CACHD1: variants seen among roughly 807,000 people sequenced by gnomAD.
CACHD1 encodes the protein cache domain containing 1, also known as VWFA and cache domain-containing protein 1.
CACHD1 carries 71 observed loss-of-function variants against 138.7 expected under a neutral mutation model. The ratio of observed to expected loss-of-function variants is 0.51; its 90% CI spans 0.42 to 0.62. The LOEUF is 0.62. Among genes scored for constraint, CACHD1 ranks in the 20% least tolerant of loss-of-function variants. The probability of loss-of-function intolerance (pLI) is 0.00; values close to 1 mark genes in which losing one functional copy is unlikely to be tolerated. For synonymous variants in CACHD1, 578 were observed against 591.5 expected, an observed-to-expected ratio of 0.98 and a Z score of 0.33; for missense variants, 1,389 against 1,625.3, an observed-to-expected ratio of 0.85 and a Z score of 2.50.
At chr1:64,642,240 C>G (rs1190798122) in intron 8 of CACHD1, among the ~76,000 whole-genome samples, 2 of 152,146 alleles carry the variant, frequency 1.3e-5, no homozygotes, top group African/African-American at 4.8e-5. Flanking sequence ...TCCCCCTGCC[C>G]CACCTTTTTT....
intron 16 of CACHD1, among the ~76,000 whole-genome samples, chr1:64,669,154 G>A (rs1256546878): frequency 6.6e-6 from 1 of 152,140 alleles, no homozygotes; most frequent in African/African-American, 2.4e-5. Context: ...TAAATGTTAA[G>A]CACTTTTATA....
chr1:64,547,259 G>A (rs1342003033), intron 1 of CACHD1, among the ~76,000 whole-genome samples: 1 of 152,176 alleles, frequency 6.6e-6, no homozygotes, highest in African/African-American at 2.4e-5. Context: ...AGCAGGTCCT[G>A]CATTTTAAGA....
At chr1:64,633,957 C>A in intron 6 of CACHD1, 87 bp from the exon 7 acceptor site, 1 of 1,000,910 alleles carries the variant, frequency 1.0e-6, no homozygotes, top group Non-Finnish European at 1.5e-6. Flanking sequence ...CTTCTTACTC[C>A]TTGGCCTCTT....
chr1:64,517,422 A>T (rs1324594215), intron 1 of CACHD1, among the ~76,000 whole-genome samples: 1 of 152,224 alleles, frequency 6.6e-6, no homozygotes, highest in Non-Finnish European at 1.5e-5. Context: ...GAAATAAAGG[A>T]GAATTAAGTG....
intron 1 of CACHD1, among the ~76,000 whole-genome samples, chr1:64,539,168 A>G (rs1475494826): frequency 2.0e-5 from 3 of 152,060 alleles, no homozygotes; most frequent in African/African-American, 7.2e-5. Context: ...AATGGACTGC[A>G]TTTTTTTCTT....
At chr1:64,586,375 G>A (rs1231375394) in intron 3 of CACHD1, among the ~76,000 whole-genome samples, 1 of 152,164 alleles carries the variant, frequency 6.6e-6, no homozygotes, top group Non-Finnish European at 1.5e-5. Flanking sequence ...GCACCCAGCT[G>A]ACACTTTCCT....
At chr1:64,597,009 T>G (rs1270153013) in intron 3 of CACHD1, among the ~76,000 whole-genome samples, 1 of 152,154 alleles carries the variant, frequency 6.6e-6, no homozygotes, top group African/African-American at 2.4e-5. Flanking sequence ...CTGAGTGATT[T>G]GCCTGGCAAA....
At chr1:64,480,327 A>AC (rs1302898766) in intron 1 of CACHD1, among the ~76,000 whole-genome samples, 8 of 151,418 alleles carry the variant, frequency 5.3e-5, no homozygotes, top group Non-Finnish European at 1.5e-5. Context: ...TTGGTTTTAG[A>AC]CTCTTGTTTT....
Position 64,663,587 on chromosome 1 carries a change from C to T in CACHD1, c.1952-108C>T, listed in dbSNP as rs949995714. ...AAAAGAAAAAAAGGAAAAAAAAAGA[C>T]ATTAAGCCACCATAGCTGACAGATT... On this transcript the variant is annotated intron_variant, in intron 13 of 26. Coordinates refer to ENST00000651257, the MANE Select transcript of CACHD1 (RefSeq NM_020925.4). 13 of 1,128,624 alleles carry T rather than the reference C, an allele frequency of 1.2e-5. No homozygotes were observed. The African/African-American group carries it at 1.9e-4, about 17-fold the overall frequency. The allele number at this position is 1,128,624 out of a possible 1,614,324, so 69.9% of individuals were successfully genotyped here. A position where few individuals can be genotyped will look rare whatever the true frequency, so the allele number is the denominator to read the frequency against.
At chr1:64,497,990 G>A (rs377032620) in intron 1 of CACHD1, among the ~76,000 whole-genome samples, 7 of 152,304 alleles carry the variant, frequency 4.6e-5, no homozygotes, top group East Asian at 3.9e-4. Context: ...AGCTGGGCGT[G>A]GTGGTGCGTG....
At chr1:64,614,874 G>C (rs1557520325) in intron 4 of CACHD1, among the ~76,000 whole-genome samples, 3 of 152,066 alleles carry the variant, frequency 2.0e-5, no homozygotes, top group African/African-American at 7.3e-5. Flanking sequence ...AGGTTTCCCT[G>C]CTTCTCTTCC....
intron 1 of CACHD1, among the ~76,000 whole-genome samples, chr1:64,491,613 G>A (rs1157320179): frequency 6.6e-6 from 1 of 152,152 alleles, no homozygotes; most frequent in Admixed American, 6.5e-5. Flanking sequence ...CCTGACACAT[G>A]AGAATTACAA....
At chr1:64,678,601 G>A (rs375129062) in intron 23 of CACHD1, among the ~76,000 whole-genome samples, 5 of 152,194 alleles carry the variant, frequency 3.3e-5, no homozygotes, top group South Asian at 2.1e-4. Context: ...TCTGGAGTCT[G>A]TTTGGATATG....
chr1:64,518,714 C>T (rs1646476968), intron 1 of CACHD1, among the ~76,000 whole-genome samples: 1 of 152,118 alleles, frequency 6.6e-6, no homozygotes, highest in African/African-American at 2.4e-5. Context: ...ATATAGATGG[C>T]TAGTTTTGTG....
At chr1:64,570,092 A>G (rs1359228479) in intron 2 of CACHD1, among the ~76,000 whole-genome samples, 1 of 152,206 alleles carries the variant, frequency 6.6e-6, no homozygotes, top group Non-Finnish European at 1.5e-5. Context: ...TGGCAGAATG[A>G]GTAAACATAA....
chr1:64,501,275 A>C (rs1646338308), intron 1 of CACHD1, among the ~76,000 whole-genome samples: 1 of 152,212 alleles, frequency 6.6e-6, no homozygotes, highest in Non-Finnish European at 1.5e-5. Context: ...AAAAATAGTT[A>C]TAGCCAGAAT....
intron 1 of CACHD1, among the ~76,000 whole-genome samples, chr1:64,521,943 T>A (rs1181365016): frequency 6.6e-6 from 1 of 151,236 alleles, no homozygotes; most frequent in Non-Finnish European, 1.5e-5. Context: ...GATGGCATCC[T>A]TTGATGCACA....
In CACHD1 at chr1:64,691,990, A is replaced by C. The variant is rs919137026; in HGVS notation, c.*429A>C. The C allele has an allele frequency of 5.2e-6, 1 of 192,072 alleles. No homozygotes were observed. Among genetic ancestry groups the C allele is most frequent in the Admixed American group, 5.3e-5 (1 of 18,888 alleles). 11.9% of individuals were successfully genotyped at this position (192,072 alleles called of 1,614,324 possible). A position where few individuals can be genotyped will look rare whatever the true frequency, so the allele number is the denominator to read the frequency against. On this transcript the variant is annotated 3_prime_UTR_variant, in exon 27 of 27. Transcript: ENST00000651257. ...GGCACATGCAGATACAAATGTGTGCATTGAAGATTTCGCTTTGTTTCTTAG... is the reference window on the plus strand; with the variant it reads ...GGCACATGCAGATACAAATGTGTGCCTTGAAGATTTCGCTTTGTTTCTTAG...
intron 1 of CACHD1, among the ~76,000 whole-genome samples, chr1:64,547,952 T>C (rs764990485): frequency 1.3e-5 from 2 of 152,188 alleles, no homozygotes; most frequent in Non-Finnish European, 2.9e-5. Context: ...TTAAAACATC[T>C]TTCTTGCTTT....
Sources: gnomAD v4.1 joint callset for allele counts (sites outside exome capture counted in the v4.1 genomes callset) on GRCh38, gnomAD v4.1.1 for gene constraint, MANE v1.5 for transcripts, NCBI Gene and HGNC (gene_info 2026-07-23, HGNC 2026-07-21) for gene names.